TEX14: variants seen among roughly 807,000 people sequenced by gnomAD.
TEX14 encodes inactive serine/threonine-protein kinase TEX14.
Under a neutral mutation model 178.6 loss-of-function variants are expected in TEX14, and 168 were observed. The observed-to-expected ratio is 0.94, with a 90% CI of 0.83 to 1.07. The LOEUF (loss-of-function observed/expected upper bound fraction) is 1.07. Ranked by LOEUF, TEX14 falls within the 50% of genes least tolerant of loss-of-function variation. The pLI, the probability that TEX14 is intolerant of heterozygous loss-of-function variation, is 0.00. For synonymous variants in TEX14, 626 were observed against 634.1 expected (o/e 0.99, Z 0.19); for missense variants, 1,730 against 1,753.6 (o/e 0.99, Z 0.24).
intron 31 of TEX14, 84 bp from the exon 32 acceptor site, chr17:58,557,131 T>C: frequency 9.1e-7 from 1 of 1,097,950 alleles, no homozygotes; most frequent in Admixed American, 1.7e-5. Flanking sequence ...ACATCCTCTT[T>C]CTATTCAATT....
rs577527311 is a variant in TEX14, at chr17:58,676,386, CA to C, written c.-2+15552del. On this transcript the variant is annotated intron_variant, in intron 1 of 31. Transcript: ENST00000349033. The stretch of plus-strand genomic sequence containing the variant: ...AGAGAAAATCCATCTCAAAAAAAAC[CA>C]AAAAAACAAAAAAAAACACAAAAAA... 5.7e-3 allele frequency among the ~76,000 whole-genome samples: 850 copies of C among 148,628 alleles called. 5 individuals are homozygous for C. Among genetic ancestry groups the C allele is most frequent in the African/African-American group, 9.1e-3 (369 of 40,432 alleles).
chr17:58,617,392 A>G (rs1363429623), intron 6 of TEX14, 146 bp downstream of exon 6: 2 of 593,910 alleles, frequency 3.4e-6, no homozygotes, highest in Non-Finnish European at 6.0e-6. Context: ...ACACTAAGAG[A>G]TACCTTTCCC....
At chr17:58,588,254 G>C (rs983931627) in intron 15 of TEX14, among the ~76,000 whole-genome samples, 1 of 152,130 alleles carries the variant, frequency 6.6e-6, no homozygotes, top group Non-Finnish European at 1.5e-5. Context: ...CCGTCCATCA[G>C]AATTCTCTGG....
intron 1 of TEX14, among the ~76,000 whole-genome samples, chr17:58,681,747 G>C (rs1299608277): frequency 1.3e-5 from 2 of 152,018 alleles, no homozygotes; most frequent in Non-Finnish European, 2.9e-5. Flanking sequence ...GGAGGCTGAT[G>C]AAGGAGAATC....
chr17:58,643,367 C>A (rs183231065), intron 2 of TEX14, among the ~76,000 whole-genome samples: 3 of 152,222 alleles, frequency 2.0e-5, no homozygotes, highest in African/African-American at 7.2e-5. Flanking sequence ...TTAGGTGAAT[C>A]ACAGATATCT....
In TEX14 at chr17:58,691,122, C is replaced by T. The variant is rs534842665; in HGVS notation, c.-2+817G>A. ...CCACCTGCCTCGACCTCCCAAAGTG[C>T]TGGGATTACAGGCACGAGCCACTGC... On this transcript the variant is annotated intron_variant, in intron 1 of 31. Coordinates refer to ENST00000349033, the MANE Select transcript of TEX14 (RefSeq NM_031272.5). Among the ~76,000 whole-genome samples, 488 of 152,114 alleles carry T rather than the reference C, an allele frequency of 3.2e-3. 5 individuals carry two copies. The highest frequency in any genetic ancestry group is 0.011 in the African/African-American group (467 of 41,526).
intron 26 of TEX14, 52 bp from the exon 27 acceptor site, chr17:58,565,876 G>T: frequency 6.9e-7 from 1 of 1,440,928 alleles, no homozygotes; most frequent in Non-Finnish European, 9.6e-7. Context: ...TGCGTGTCCT[G>T]CCGTTCTCTA....
chr17:58,647,054 C>T (rs766132862), intron 2 of TEX14, among the ~76,000 whole-genome samples: 86 of 151,860 alleles, frequency 5.7e-4, no homozygotes, highest in Middle Eastern at 6.8e-3. Context: ...TACAGGTATA[C>T]GCCACCATGC....
intron 1 of TEX14, among the ~76,000 whole-genome samples, chr17:58,687,648 T>C (rs1443517071): frequency 2.0e-5 from 3 of 152,112 alleles, no homozygotes; most frequent in Admixed American, 6.6e-5. Context: ...CACCATTTTT[T>C]AAAGTTCTAT....
At chr17:58,674,605 G>T (rs964059496) in intron 1 of TEX14, among the ~76,000 whole-genome samples, 1 of 151,924 alleles carries the variant, frequency 6.6e-6, no homozygotes, top group Non-Finnish European at 1.5e-5. Context: ...GGGAGGCGGA[G>T]GTTGCAGTGA....
chr17:58,661,794 G>C, intron 1 of TEX14: 1 of 496,812 alleles, frequency 2.0e-6, no homozygotes, highest in Non-Finnish European at 3.5e-6. Context: ...CTCCACTCCG[G>C]GTCTTCGTCA....
At chr17:58,631,756 T>G (rs8071217) in intron 2 of TEX14, 1 of 151,740 alleles carries the variant, frequency 6.6e-6, no homozygotes, top group Admixed American at 6.6e-5. Flanking sequence ...TATCTCCCTC[T>G]CGCGGTTTCC....
In TEX14 at chr17:58,602,536, G is replaced by T; in HGVS notation, c.1391C>A (p.Ser464Ter). The change falls in exon 12 of 32, where the codon TCG (serine) becomes TAG (stop). Residue 464 changes from serine to a stop codon, truncating the protein, a stop_gained. Transcript: ENST00000349033. LOFTEE classifies it high-confidence loss of function. The stretch of plus-strand genomic sequence containing the variant: ...GACATCAGCTTCTAAATAATTCCCC[G>T]AGACTACGGCTTTTTTAACAACTGA... ...DGSVVKKAVV[S>*]GNYLEADVRL... The T allele has an allele frequency of 1.2e-6, 2 of 1,613,902 alleles. No homozygotes were observed. The highest frequency in any genetic ancestry group is 1.7e-6 in the Non-Finnish European group (2 of 1,180,012).
In TEX14 at chr17:58,654,483, GA is replaced by G. The variant is rs1206902406; in HGVS notation, c.-1-2482del. On this transcript the variant is annotated intron_variant, in intron 1 of 31. Transcript: ENST00000349033. ...GGACCTTGAATGTATAGAAGCTTTG[GA>G]AAAAAAAAAACAACTTGTAACTTTT... is the stretch of plus-strand genomic sequence containing the variant. 6.2e-3 allele frequency among the ~76,000 whole-genome samples: 805 copies of G among 130,760 alleles called. 3 individuals carry two copies. Among genetic ancestry groups the G allele is most frequent in the Middle Eastern group, 0.015 (4 of 262 alleles). 85.8% of individuals were successfully genotyped at this position (130,760 alleles called of 152,430 possible). A position where few individuals can be genotyped will look rare whatever the true frequency, so the allele number is the denominator to read the frequency against.
chr17:58,588,165 A>C, intron 15 of TEX14, 144 bp from the exon 16 acceptor site: 1 of 602,984 alleles, frequency 1.7e-6, no homozygotes, highest in Non-Finnish European at 3.0e-6. Flanking sequence ...ACAAGACACA[A>C]TCCCTGGGCT....
At chr17:58,636,149 A>C (rs530338076) in intron 2 of TEX14, among the ~76,000 whole-genome samples, 5 of 152,226 alleles carry the variant, frequency 3.3e-5, no homozygotes, top group Non-Finnish European at 7.3e-5. Context: ...CTCTGTCCCT[A>C]CAACTTAAGC....
intron 19 of TEX14, chr17:58,581,496 T>C (rs946354679): frequency 8.3e-7 from 1 of 1,205,744 alleles, no homozygotes; most frequent in Non-Finnish European, 1.2e-6. Flanking sequence ...AAAAAAGGTA[T>C]AAAAAATCCT....
In TEX14 at chr17:58,616,208, GAGA is replaced by G. The variant is rs781679959; in HGVS notation, c.731_733del (p.Phe244del). 10 of 1,613,794 alleles carry G rather than the reference GAGA, an allele frequency of 6.2e-6. No homozygotes were observed. The highest frequency in any genetic ancestry group is 5.0e-5 in the Admixed American group (3 of 59,948). ...GACCATGTAGGGGCCGCTGAAGAAAGAGAAGGTGGGCTCATCATCAGCTTGAAT... is the reference window on the plus strand; with the variant it reads ...GACCATGTAGGGGCCGCTGAAGAAAGAGGTGGGCTCATCATCAGCTTGAAT... On this transcript the variant is annotated inframe_deletion, in exon 7 of 32. Coordinates refer to ENST00000349033, the MANE Select transcript of TEX14 (RefSeq NM_031272.5).
intron 4 of TEX14, 56 bp downstream of exon 4, chr17:58,622,791 C>T (rs1024226034): frequency 2.0e-6 from 3 of 1,522,620 alleles, no homozygotes; most frequent in South Asian, 2.4e-5. Context: ...GGGAGCCTGA[C>T]TCTCAGCCCA....
Sources: allele counts gnomAD v4.1 joint callset (sites outside exome capture counted in the v4.1 genomes callset), GRCh38; gene constraint gnomAD v4.1.1; transcripts MANE v1.5; gene names NCBI Gene and HGNC (gene_info 2026-07-23, HGNC 2026-07-21).